FANCD2: variants seen among roughly 807,000 people sequenced by gnomAD.
FANCD2 encodes the protein FA complementation group D2.
In FANCD2, 131 loss-of-function variants were observed where a neutral mutation model predicts 192.3. That is an observed-to-expected ratio of 0.68 (90% confidence interval 0.59 to 0.79). FANCD2 has a LOEUF of 0.79. Among genes scored for constraint, FANCD2 ranks in the 30% least tolerant of loss-of-function variants. FANCD2 has a pLI of 0.00. For synonymous variants in FANCD2, 524 were observed against 612.5 expected (o/e 0.86, Z 2.13); for missense variants, 1,508 against 1,701.6 (o/e 0.89, Z 2.00).
At chr3:10,079,262 A>G (rs1217088130) in intron 30 of FANCD2, among the ~76,000 whole-genome samples, 1 of 152,004 alleles carries the variant, frequency 6.6e-6, no homozygotes, top group Non-Finnish European at 1.5e-5. Flanking sequence ...AAAAAAAAAA[A>G]TAGGAAGTCT....
intron 26 of FANCD2, among the ~76,000 whole-genome samples, chr3:10,070,362 G>A (rs1388332841): frequency 3.5e-5 from 5 of 142,086 alleles, no homozygotes; most frequent in African/African-American, 1.1e-4. Flanking sequence ...CAGCCGCCCC[G>A]TCCGGGAGGG....
intron 20 of FANCD2, 41 bp from the exon 21 acceptor site, chr3:10,063,751 T>G: frequency 6.2e-7 from 1 of 1,613,384 alleles, no homozygotes. Context: ...TGGGAAAGAT[T>G]GGCAGCCCAA....
At chr3:10,055,342 C>T (rs1210397286) in intron 18 of FANCD2, among the ~76,000 whole-genome samples, 1 of 152,124 alleles carries the variant, frequency 6.6e-6, no homozygotes, top group Non-Finnish European at 1.5e-5. Flanking sequence ...CTCCCCACCC[C>T]CTAATAATCA....
intron 32 of FANCD2, among the ~76,000 whole-genome samples, chr3:10,082,379 CCT>C (rs1241762182): frequency 5.3e-5 from 8 of 152,306 alleles, no homozygotes; most frequent in African/African-American, 1.9e-4. Context: ...TCACACTTGG[CCT>C]CTCTCAGTCC....
In FANCD2 at chr3:10,067,415, C is replaced by A. The variant is rs1575798002; in HGVS notation, c.2494+98C>A. 5.4e-6 allele frequency: 4 copies of A among 739,200 alleles called. No homozygotes were observed. Among genetic ancestry groups the A allele is most frequent in the African/African-American group, 3.5e-5 (2 of 56,766 alleles). 45.8% of individuals were successfully genotyped at this position (739,200 alleles called of 1,614,324 possible). A position where few individuals can be genotyped will look rare whatever the true frequency, so the allele number is the denominator to read the frequency against. ...ATACCAAAACCAGACAAAGACACAT[C>A]AAAAAAAGAAATCTCAGGCCAATAT... is the stretch of plus-strand genomic sequence containing the variant. On this transcript the variant is annotated intron_variant, in intron 26 of 43. Transcript: ENST00000675286.
At chr3:10,076,749 G>A (rs1002404516) in intron 29 of FANCD2, among the ~76,000 whole-genome samples, 33 of 151,916 alleles carry the variant, frequency 2.2e-4, no homozygotes, top group African/African-American at 7.5e-4. Flanking sequence ...TGTTGGAGAC[G>A]GAGTCTTGCT....
At chr3:10,067,133 A>G in intron 25 of FANCD2, 76 bp from the exon 26 acceptor site, 2 of 943,912 alleles carry the variant, frequency 2.1e-6, no homozygotes, top group Non-Finnish European at 3.4e-6. Context: ...GACATCTCTC[A>G]GCTCTGGATA....
At position 10,081,106 on chromosome 3, in the gene FANCD2, G is replaced by A. The variant is rs2125059397; in HGVS notation, c.2983G>A (p.Gly995Arg). Reference sequence around the variant, plus strand: ...AACTCTGCATTTATTATAGAACAAAGGAAGCCGGAATATTGGATTCTCACA... The same window carrying A: ...AACTCTGCATTTATTATAGAACAAAAGAAGCCGGAATATTGGATTCTCACA... ...ARRVPFLKNK[G>R]SRNIGFSHLQ... Residue 995 changes from glycine to arginine, a missense_variant, in exon 31 of 44, where the codon GGA becomes AGA. Gly to Arg is a moderately radical substitution (Grantham distance 125). Coordinates refer to ENST00000675286, the MANE Select transcript of FANCD2 (RefSeq NM_001018115.3). 3 of 1,614,104 alleles carry A rather than the reference G, an allele frequency of 1.9e-6. No individual in the cohort carries two copies. Among genetic ancestry groups the A allele is most frequent in the Non-Finnish European group, 2.5e-6 (3 of 1,180,028 alleles).
chr3:10,097,544 C>T (rs1016619052), intron 42 of FANCD2, among the ~76,000 whole-genome samples: 9 of 152,238 alleles, frequency 5.9e-5, no homozygotes, highest in East Asian at 1.9e-4. Flanking sequence ...GGCTCACCGG[C>T]GGTCAGAGTT....
chr3:10,054,800 T>A (rs549008438), intron 18 of FANCD2, among the ~76,000 whole-genome samples: 1 of 151,670 alleles, frequency 6.6e-6, no homozygotes, highest in East Asian at 1.9e-4. Context: ...TCATATTTTT[T>A]ATCTTTTTTT....
chr3:10,030,132 T>A (rs1345317224), intron 2 of FANCD2, among the ~76,000 whole-genome samples: 22 of 147,246 alleles, frequency 1.5e-4, no homozygotes, highest in African/African-American at 4.8e-4. Context: ...GTTTGGCTCT[T>A]GTTGCCCAGT....
intron 29 of FANCD2, among the ~76,000 whole-genome samples, chr3:10,076,767 T>G (rs1408998784): frequency 6.6e-6 from 1 of 152,108 alleles, no homozygotes; most frequent in Non-Finnish European, 1.5e-5. Flanking sequence ...GCTCTGTCCG[T>G]CAGTCTGGAG....
In FANCD2 at chr3:10,039,357, G is replaced by T; in HGVS notation, c.570G>T (p.Lys190Asn). 1 of 1,610,572 alleles carries T rather than the reference G, an allele frequency of 6.2e-7. No individual in the cohort carries two copies. Among genetic ancestry groups the T allele is most frequent in the Non-Finnish European group, 8.5e-7 (1 of 1,176,920 alleles). ...LKWLDRVVDG[K>N]DLTTKIMQLI... ...GGCTTGACAGAGTTGTGGATGGCAA[G>T]GTAGGCTTATGGACTTTATCTCTTG... is the stretch of plus-strand genomic sequence containing the variant. The change falls in exon 8 of 44, where the codon AAG becomes AAT. Residue 190 changes from lysine to asparagine, a missense_variant and splice_region_variant. This residue lies in a region of FANCD2 where 435 missense variants were observed against 421.9 expected (regional missense o/e 1.03). Coordinates refer to ENST00000675286, the MANE Select transcript of FANCD2 (RefSeq NM_001018115.3).
At chr3:10,076,326 A>G (rs920896154) in intron 29 of FANCD2, among the ~76,000 whole-genome samples, 1 of 150,644 alleles carries the variant, frequency 6.6e-6, no homozygotes, top group African/African-American at 2.5e-5. Context: ...ATTCAAAGTC[A>G]TTTTTTAAAT....
At chr3:10,096,938 T>G (rs1394390172) in intron 42 of FANCD2, among the ~76,000 whole-genome samples, 2 of 152,168 alleles carry the variant, frequency 1.3e-5, no homozygotes, top group African/African-American at 4.8e-5. Flanking sequence ...TTTTCCTAAG[T>G]GTCAGCTGGC....
At chr3:10,046,270 G>A (rs1004020589) in intron 14 of FANCD2, among the ~76,000 whole-genome samples, 15 of 151,654 alleles carry the variant, frequency 9.9e-5, no homozygotes, top group African/African-American at 3.6e-4. Flanking sequence ...AGTCAGGATG[G>A]TCTCGATCTC....
At chr3:10,061,118 G>A (rs1353746691) in intron 19 of FANCD2, among the ~76,000 whole-genome samples, 1 of 152,156 alleles carries the variant, frequency 6.6e-6, no homozygotes, top group Admixed American at 6.5e-5. Context: ...TTAGCTCACT[G>A]CAACTTTGGC....
chr3:10,036,683 AT>A (rs113017725), intron 7 of FANCD2, among the ~76,000 whole-genome samples: 4,607 of 144,004 alleles, frequency 0.032, 210 homozygotes, highest in African/African-American at 0.1. Context: ...TCAAAACAGA[AT>A]TTTTTTTTTT....
chr3:10,083,504 A>G (rs955069776), intron 32 of FANCD2: 1 of 152,130 alleles, frequency 6.6e-6, no homozygotes, highest in African/African-American at 2.4e-5. Flanking sequence ...ATATTGGGAA[A>G]TAGTTTGGTA....
Sources: gnomAD v4.1 joint callset for allele counts (sites outside exome capture counted in the v4.1 genomes callset) on GRCh38, gnomAD v4.1.1 for gene constraint, gnomAD v4.1.1 regional missense constraint, MANE v1.5 for transcripts, NCBI Gene and HGNC (gene_info 2026-07-23, HGNC 2026-07-21) for gene names.